Variants in WRNIP1 observed in about 807,000 individuals in gnomAD.
The protein encoded by WRNIP1 is WRN helicase interacting protein 1, also known as ATPase WRNIP1.
A neutral mutation model predicts 56.1 loss-of-function variants in WRNIP1; 41 were observed. That is an observed-to-expected ratio of 0.73 (90% confidence interval 0.57 to 0.95). WRNIP1 has a LOEUF of 0.95. Ranked by LOEUF, WRNIP1 falls within the 40% of genes least tolerant of loss-of-function variation. The pLI, the probability that WRNIP1 is intolerant of heterozygous loss-of-function variation, is 0.00. For missense variants in WRNIP1, 1,170 were observed against 939.4 expected, an observed-to-expected ratio of 1.25 and a Z score of -3.21; for synonymous variants, 547 against 398.1, an observed-to-expected ratio of 1.37 and a Z score of -4.45.
At chr6:2,783,948 C>G (rs1398845126) in intron 5 of WRNIP1, among the ~76,000 whole-genome samples, 2 of 152,236 alleles carry the variant, frequency 1.3e-5, no homozygotes, top group African/African-American at 4.8e-5. Flanking sequence ...ACTCTAGACA[C>G]TATATGAAGA....
At chr6:2,769,034 A>G in intron 2 of WRNIP1, 152 bp downstream of exon 2, 1 of 710,828 alleles carries the variant, frequency 1.4e-6, no homozygotes, top group South Asian at 2.8e-5. Context: ...ATTTCTCCAT[A>G]CATTTCTTAG....
At chr6:2,767,805 GCT>G (rs1271740184) in intron 1 of WRNIP1, among the ~76,000 whole-genome samples, 1 of 152,192 alleles carries the variant, frequency 6.6e-6, no homozygotes, top group Non-Finnish European at 1.5e-5. Flanking sequence ...GGTCCAGGCT[GCT>G]CAGTGAGATG....
At chr6:2,766,508 G>C in intron 1 of WRNIP1, 64 bp downstream of exon 1, 1 of 1,439,584 alleles carries the variant, frequency 6.9e-7, no homozygotes, top group African/African-American at 1.4e-5. Flanking sequence ...GCTGATGGTC[G>C]GAGAGCCGGG....
intron 4 of WRNIP1, among the ~76,000 whole-genome samples, chr6:2,781,013 A>C (rs577488811): frequency 1.8e-4 from 27 of 152,344 alleles, no homozygotes; most frequent in African/African-American, 6.5e-4. Flanking sequence ...CAAGTGGTGA[A>C]ACTGACCCGT....
rs1042557109 is a variant in WRNIP1 at position 2,785,340 on chromosome 6, A to G, written c.*58A>G. On this transcript the variant is annotated 3_prime_UTR_variant, in exon 7 of 7. Coordinates refer to ENST00000380773, the MANE Select transcript of WRNIP1 (RefSeq NM_020135.3). Reference sequence around the variant, plus strand: ...TTTTTTAAGGGAGGGCCAGAAAGAAAGTTAGTGGATTGCAAAGTTGGTTGC... The same window carrying G: ...TTTTTTAAGGGAGGGCCAGAAAGAAGGTTAGTGGATTGCAAAGTTGGTTGC... 3 of 1,575,950 alleles carry G rather than the reference A, an allele frequency of 1.9e-6. No individual in the cohort carries two copies. Among genetic ancestry groups the G allele is most frequent in the Non-Finnish European group, 2.6e-6 (3 of 1,160,688 alleles).
At chr6:2,777,310 C>T (rs1318322655) in intron 3 of WRNIP1, among the ~76,000 whole-genome samples, 1 of 151,016 alleles carries the variant, frequency 6.6e-6, no homozygotes, top group African/African-American at 2.4e-5. Flanking sequence ...TATTCCTCTC[C>T]TTGAGGTGCT....
At chr6:2,771,369 T>A (rs557890229) in intron 3 of WRNIP1, among the ~76,000 whole-genome samples, 4 of 152,200 alleles carry the variant, frequency 2.6e-5, no homozygotes, top group African/African-American at 9.7e-5. Context: ...GACCACTGGG[T>A]AGGACAGAGT....
rs770005432 is a variant in WRNIP1, at chr6:2,770,217, G to T, written c.1112G>T (p.Arg371Leu). The T allele has an allele frequency of 1.9e-6, 3 of 1,614,164 alleles. No individual in the cohort carries two copies. Among genetic ancestry groups the T allele is most frequent in the Non-Finnish European group, 2.5e-6 (3 of 1,180,032 alleles). ...CAGGTCAACGCTGCTCTTCTGAGCC[G>T]CTGTCGAGTGATTGTTCTTGAGAAG... ...SFQVNAALLS[R>L]CRVIVLEKLP... The change falls in exon 3 of 7, where the codon CGC becomes CTC. Residue 371 changes from arginine to leucine, a missense_variant. Physicochemically the swap from Arg to Leu is moderately radical, Grantham distance 102. Transcript: ENST00000380773.
At position 2,770,149 on chromosome 6, in the gene WRNIP1, G is replaced by T. The variant is rs754847977; in HGVS notation, c.1044G>T (p.Gly348=). ...CTTTCCTTCCTCACGTGGAATGTGG[G>T]ACGATCACTCTGATTGGGGCAACCA... is the stretch of plus-strand genomic sequence containing the variant. ...QDTFLPHVEC[G]TITLIGATTE... The change falls in exon 3 of 7, where the codon GGG becomes GGT. Residue 348 remains glycine, a synonymous_variant. Coordinates refer to ENST00000380773, the MANE Select transcript of WRNIP1 (RefSeq NM_020135.3). The T allele has an allele frequency of 1.2e-6, 2 of 1,614,198 alleles. No individual in the cohort carries two copies. The highest frequency in any genetic ancestry group is 1.3e-5 in the African/African-American group (1 of 75,054).
In WRNIP1 at chr6:2,785,316, T is replaced by C; in HGVS notation, c.*34T>C. On this transcript the variant is annotated 3_prime_UTR_variant, in exon 7 of 7. Transcript: ENST00000380773. ...GGCACGACAGCAGAAGGATGTTGCT[T>C]TTTTAAGGGAGGGCCAGAAAGAAAG... 1 of 1,596,942 alleles carries C rather than the reference T, an allele frequency of 6.3e-7. No individual in the cohort carries two copies. Among genetic ancestry groups the C allele is most frequent in the Non-Finnish European group, 8.6e-7 (1 of 1,169,326 alleles).
chr6:2,776,313 T>C (rs1440814314), intron 3 of WRNIP1, among the ~76,000 whole-genome samples: 1 of 152,234 alleles, frequency 6.6e-6, no homozygotes, highest in Non-Finnish European at 1.5e-5. Context: ...GTAATTTTCT[T>C]GTGTGATCAT....
chr6:2,766,564 G>T (rs1166378949), intron 1 of WRNIP1, 120 bp downstream of exon 1: 4 of 1,396,130 alleles, frequency 2.9e-6, no homozygotes, highest in South Asian at 1.6e-5. Context: ...GGATAAGGGG[G>T]TGCAGACTTG....
Position 2,770,132 on chromosome 6 carries a change from C to A in WRNIP1, c.1027C>A (p.Pro343Thr). The A allele has an allele frequency of 6.2e-7, 1 of 1,614,236 alleles. No individual in the cohort carries two copies. The highest frequency in any genetic ancestry group is 1.1e-5 in the South Asian group (1 of 91,082). The change falls in exon 3 of 7, where the codon CCT becomes ACT. Residue 343 changes from proline (P) to threonine (T), a missense_variant. Transcript: ENST00000380773. The stretch of plus-strand genomic sequence containing the variant: ...CTCCCATGATTAGGACACTTTCCTT[C>A]CTCACGTGGAATGTGGGACGATCAC... ...FNKSQQDTFL[P>T]HVECGTITLI...
At chr6:2,771,047 T>A (rs545370325) in intron 3 of WRNIP1, among the ~76,000 whole-genome samples, 26 of 152,356 alleles carry the variant, frequency 1.7e-4, no homozygotes, top group East Asian at 1.9e-4. Context: ...TCCTTTTTTT[T>A]AATATTAGAA....
chr6:2,769,986 T>C (rs1561909669), intron 2 of WRNIP1, 134 bp from the exon 3 acceptor site: 1 of 1,299,966 alleles, frequency 7.7e-7, no homozygotes, highest in East Asian at 2.3e-5. Context: ...ATTCAGTGAA[T>C]ATAAGGCTGC....
chr6:2,765,531 G>C lies in WRNIP1; in HGVS notation c.-92G>C. On this transcript the variant is annotated 5_prime_UTR_variant, in exon 1 of 7. Transcript: ENST00000380773. Reference sequence around the variant, plus strand: ...TGCTGGTTCCCCGAGCGAGGGTCTCGCGGCGCGGGGCCTAGCGGAGGGCAT... The same window carrying C: ...TGCTGGTTCCCCGAGCGAGGGTCTCCCGGCGCGGGGCCTAGCGGAGGGCAT... 4 of 1,305,282 alleles carry C rather than the reference G, an allele frequency of 3.1e-6. No homozygotes were observed. The highest frequency in any genetic ancestry group is 3.9e-6 in the Non-Finnish European group (4 of 1,032,036). 80.9% of individuals were successfully genotyped at this position (1,305,282 alleles called of 1,614,324 possible).
At chr6:2,774,523 A>AT (rs990744535) in intron 3 of WRNIP1, among the ~76,000 whole-genome samples, 2 of 152,114 alleles carry the variant, frequency 1.3e-5, no homozygotes, top group African/African-American at 4.8e-5. Context: ...TTGTAAGGAC[A>AT]TTTGTCATTG....
intron 3 of WRNIP1, among the ~76,000 whole-genome samples, chr6:2,778,645 A>T (rs1355947935): frequency 6.6e-6 from 1 of 152,160 alleles, no homozygotes; most frequent in African/African-American, 2.4e-5. Flanking sequence ...CCACTATGAG[A>T]TGACCTACTG....
In WRNIP1 at chr6:2,785,113, C is replaced by A. The variant is rs751411360; in HGVS notation, c.1829C>A (p.Pro610Gln). 10 of 1,614,216 alleles carry A rather than the reference C, an allele frequency of 6.2e-6. No individual in the cohort carries two copies. Among genetic ancestry groups the A allele is most frequent in the Non-Finnish European group, 8.5e-6 (10 of 1,180,032 alleles). Residue 610 changes from proline (P) to glutamine (Q), a missense_variant, in exon 7 of 7, where the codon CCA becomes CAA. Pro to Gln is a moderately conservative substitution (Grantham distance 76). Coordinates refer to ENST00000380773, the MANE Select transcript of WRNIP1 (RefSeq NM_020135.3). ...VKACLRNHQGPLPPVPLHLRN... is the reference protein window; with the variant it reads ...VKACLRNHQGQLPPVPLHLRN... The stretch of plus-strand genomic sequence containing the variant: ...GCCTGCCTGAGGAACCACCAGGGGC[C>A]ACTGCCCCCCGTGCCCCTGCACCTG...
Sources: gnomAD v4.1 joint callset for allele counts (sites outside exome capture counted in the v4.1 genomes callset) on GRCh38, gnomAD v4.1.1 for gene constraint, MANE v1.5 for transcripts, NCBI Gene and HGNC (gene_info 2026-07-23, HGNC 2026-07-21) for gene names.